The following LARP4B variants were observed in gnomAD, a reference collection of about 807,000 sequenced individuals.
LARP4B encodes the protein la-related protein 4B.
In LARP4B, 12 loss-of-function variants were observed where a neutral mutation model predicts 89.8. The ratio of observed to expected loss-of-function variants is 0.13; its 90% CI spans 0.09 to 0.22. The LOEUF is 0.22. Among genes scored for constraint, LARP4B ranks in the 10% least tolerant of loss-of-function variants. The probability of loss-of-function intolerance (pLI) is 1.00; values close to 1 mark genes in which losing one functional copy is unlikely to be tolerated. For synonymous variants in LARP4B, 367 were observed against 363.3 expected, an observed-to-expected ratio of 1.01 and a Z score of -0.12; for missense variants, 757 against 947.7, an observed-to-expected ratio of 0.80 and a Z score of 2.64.
chr10:869,571 T>A (rs1247184809), intron 3 of LARP4B, among the ~76,000 whole-genome samples: 1 of 152,146 alleles, frequency 6.6e-6, no homozygotes, highest in Non-Finnish European at 1.5e-5. Context: ...TTAGAGTAAA[T>A]CTTTATTAAT....
intron 7 of LARP4B, among the ~76,000 whole-genome samples, chr10:841,546 A>T (rs939190529): frequency 1.3e-5 from 2 of 152,256 alleles, no homozygotes; most frequent in African/African-American, 4.8e-5. Context: ...AGTAACAATC[A>T]ACTGAGAAAT....
chr10:855,989 T>C (rs1418466473), intron 5 of LARP4B, among the ~76,000 whole-genome samples: 2 of 152,248 alleles, frequency 1.3e-5, no homozygotes, highest in African/African-American at 2.4e-5. Flanking sequence ...CAACAAACAG[T>C]GCTGCAATAG....
chr10:836,236 T>G (rs141948810), intron 8 of LARP4B, among the ~76,000 whole-genome samples, 167 bp downstream of exon 8: 1,758 of 152,264 alleles, frequency 0.012, 37 homozygotes, highest in Admixed American at 0.05. Flanking sequence ...TATCATTCCC[T>G]CCTACTCTGT....
Position 814,730 on chromosome 10 carries a change from C to G in LARP4B, c.1929+12G>C, listed in dbSNP as rs772462383. The G allele has an allele frequency of 1.9e-6, 3 of 1,580,094 alleles. No homozygotes were observed. Among genetic ancestry groups the G allele is most frequent in the African/African-American group, 1.4e-5 (1 of 73,988 alleles). On this transcript the variant is annotated intron_variant, in intron 17 of 17. Coordinates refer to ENST00000316157, the MANE Select transcript of LARP4B (RefSeq NM_015155.3). The surrounding 1 kb of genome is among the most constrained non-coding windows in gnomAD (Gnocchi z 4.4). ...CGGCTGTCGTGCAGGAAGGCAGGCA[C>G]GAGGTACGTACCGTGGCGGCTCCGT...
intron 7 of LARP4B, among the ~76,000 whole-genome samples, chr10:839,440 A>G (rs1350822625): frequency 6.6e-6 from 1 of 152,224 alleles, no homozygotes; most frequent in Admixed American, 6.5e-5. Flanking sequence ...TCTACTTCTA[A>G]AGAAAGGACT....
chr10:882,199 A>G (rs1294538998), intron 3 of LARP4B, among the ~76,000 whole-genome samples: 1 of 152,098 alleles, frequency 6.6e-6, no homozygotes. Context: ...AAAATAATTC[A>G]ATTGCATACT....
At chr10:828,961 G>C (rs61830901) in intron 11 of LARP4B, among the ~76,000 whole-genome samples, 4,928 of 152,204 alleles carry the variant, frequency 0.032, 110 homozygotes, top group Middle Eastern at 0.068. Context: ...TAATCCTGTC[G>C]ACCAACTCTA....
Position 826,547 on chromosome 10 carries a change from T to C in LARP4B, c.1126-677A>G, listed in dbSNP as rs144525308. ...GTATCGGCCAACTATTTTTAAAATCTAGACACATACAAAAATAAGATAAAA... is the reference window on the plus strand; with the variant it reads ...GTATCGGCCAACTATTTTTAAAATCCAGACACATACAAAAATAAGATAAAA... On this transcript the variant is annotated intron_variant, in intron 11 of 17. Coordinates refer to ENST00000316157, the MANE Select transcript of LARP4B (RefSeq NM_015155.3). Among the ~76,000 whole-genome samples, 13 of 152,354 alleles carry C rather than the reference T, an allele frequency of 8.5e-5. No individual in the cohort carries two copies. The East Asian group carries it at 2.3e-3, about 27-fold the overall frequency.
intron 17 of LARP4B, among the ~76,000 whole-genome samples, chr10:813,520 C>T (rs116649662): frequency 1.2e-3 from 177 of 152,314 alleles, no homozygotes; most frequent in African/African-American, 3.9e-3. Flanking sequence ...AGGAAGAGTC[C>T]GGATGCTGCC....
At chr10:966,636 C>G in the LARP4B span, among the ~76,000 whole-genome samples, 1 of 152,266 alleles carries the variant, frequency 6.6e-6, no homozygotes, top group African/African-American at 2.4e-5. Flanking sequence ...GGAGTGTCAG[C>G]ACCCATGGGT....
At chr10:826,457 T>C (rs541324109) in intron 11 of LARP4B, among the ~76,000 whole-genome samples, 37 of 152,292 alleles carry the variant, frequency 2.4e-4, no homozygotes, top group African/African-American at 8.4e-4. Flanking sequence ...CAGAAGAAAT[T>C]AGAAAGGGTC....
At chr10:922,685 A>T (rs1483694137) in intron 1 of LARP4B, among the ~76,000 whole-genome samples, 1 of 143,172 alleles carries the variant, frequency 7.0e-6, no homozygotes, top group East Asian at 1.9e-4. Context: ...TTAAATAAAT[A>T]AATAAATAAA....
chr10:947,142 T>A, the LARP4B span, among the ~76,000 whole-genome samples: 1 of 152,178 alleles, frequency 6.6e-6, no homozygotes, highest in African/African-American at 2.4e-5. Context: ...AGTGCTGGGA[T>A]TACAGGCGTG....
intron 5 of LARP4B, among the ~76,000 whole-genome samples, chr10:850,267 AATGTT>A (rs1253086060): frequency 5.9e-5 from 9 of 152,222 alleles, no homozygotes; most frequent in Admixed American, 2.6e-4. Flanking sequence ...GCAAAACCCA[AATGTT>A]ATGTTATCTA....
chr10:966,056 T>TTGTGTGTGTGTGTG, the LARP4B span, among the ~76,000 whole-genome samples: 12 of 128,198 alleles, frequency 9.4e-5, no homozygotes, highest in African/African-American at 2.9e-4. Context: ...TGTGTGGGTT[T>TTGTGTGTGTGTGTG]TGTGTGTGTG....
chr10:974,172 G>A, the LARP4B span, among the ~76,000 whole-genome samples: 5 of 151,990 alleles, frequency 3.3e-5, no homozygotes, highest in Non-Finnish European at 7.4e-5. Context: ...GCAAACACTC[G>A]ATTCAACCTC....
At chr10:982,582 G>C in the LARP4B span, among the ~76,000 whole-genome samples, 1 of 152,240 alleles carries the variant, frequency 6.6e-6, no homozygotes, top group East Asian at 1.9e-4. Context: ...AAATCATGAA[G>C]TTTTTACATA....
At chr10:912,448 C>T (rs549429380) in intron 1 of LARP4B, among the ~76,000 whole-genome samples, 2 of 152,090 alleles carry the variant, frequency 1.3e-5, no homozygotes, top group Non-Finnish European at 2.9e-5. Context: ...TCTGTGCCTG[C>T]TTTTCAAATT....
At position 812,588 on chromosome 10, in the gene LARP4B, C is replaced by T. The variant is rs766630236; in HGVS notation, c.*338G>A. 2.9e-5 allele frequency: 5 copies of T among 173,640 alleles called. No individual in the cohort carries two copies. The highest frequency in any genetic ancestry group is 6.0e-5 in the Non-Finnish European group (5 of 83,620). 10.8% of individuals were successfully genotyped at this position (173,640 alleles called of 1,614,324 possible). On this transcript the variant is annotated 3_prime_UTR_variant, in exon 18 of 18. Coordinates refer to ENST00000316157, the MANE Select transcript of LARP4B (RefSeq NM_015155.3). ...AGTTCCCTTAATTTAGAAAAACTCA[C>T]TATATATAGCTTGCATTCAGAGCCA...
Sources: allele counts gnomAD v4.1 joint callset (sites outside exome capture counted in the v4.1 genomes callset), GRCh38; gene constraint gnomAD v4.1.1; non-coding constraint Gnocchi (gnomAD v3.1); transcripts MANE v1.5; gene names NCBI Gene and HGNC (gene_info 2026-07-23, HGNC 2026-07-21).